The following GPR176 variants were observed in gnomAD, a reference collection of about 807,000 sequenced individuals.
The protein encoded by GPR176 is G protein-coupled receptor 176, also known as G-protein coupled receptor 176.
GPR176 carries 26 observed loss-of-function variants against 35.4 expected under a neutral mutation model. The ratio of observed to expected loss-of-function variants is 0.74; its 90% confidence interval spans 0.54 to 1.02. The LOEUF is 1.02. Ranked by LOEUF, GPR176 falls within the 50% of genes least tolerant of loss-of-function variation. The pLI is 0.00. For missense variants in GPR176, 597 were observed against 665.3 expected (o/e 0.90, Z 1.13); for synonymous variants, 278 against 271.3 (o/e 1.02, Z -0.24).
intron 1 of GPR176, among the ~76,000 whole-genome samples, chr15:39,903,430 A>G (rs1040450691): frequency 6.6e-6 from 1 of 152,182 alleles, no homozygotes; most frequent in Non-Finnish European, 1.5e-5. Flanking sequence ...TAAGTTTTAT[A>G]AGCTCTCTTT....
intron 1 of GPR176, among the ~76,000 whole-genome samples, chr15:39,826,983 A>C (rs1326975777): frequency 6.6e-6 from 1 of 152,228 alleles, no homozygotes; most frequent in Non-Finnish European, 1.5e-5. Flanking sequence ...CCACTGAAGA[A>C]TGACGAGGTT....
At chr15:39,829,965 A>G (rs892377892) in intron 1 of GPR176, among the ~76,000 whole-genome samples, 3 of 151,690 alleles carry the variant, frequency 2.0e-5, no homozygotes, top group African/African-American at 7.2e-5. Flanking sequence ...GTACTGTTAT[A>G]ATTATATAAT....
At chr15:39,891,511 T>C (rs144287293) in intron 1 of GPR176, among the ~76,000 whole-genome samples, 2 of 152,218 alleles carry the variant, frequency 1.3e-5, no homozygotes, top group Admixed American at 1.3e-4. Flanking sequence ...ACACCATACC[T>C]GACTTTTTTC....
At chr15:39,857,887 C>T (rs1221461586) in intron 1 of GPR176, among the ~76,000 whole-genome samples, 3 of 149,452 alleles carry the variant, frequency 2.0e-5, no homozygotes, top group Admixed American at 6.7e-5. Context: ...AGGAGAATGG[C>T]GTGAACCTGG....
chr15:39,905,706 C>CAAAA (rs2033401160), intron 1 of GPR176, among the ~76,000 whole-genome samples: 1 of 151,980 alleles, frequency 6.6e-6, no homozygotes, highest in South Asian at 2.1e-4. Flanking sequence ...CAACCAATCC[C>CAAAA]AAAAGGTTAC....
intron 1 of GPR176, among the ~76,000 whole-genome samples, chr15:39,861,559 A>C (rs1566954676): frequency 6.6e-6 from 1 of 151,998 alleles, no homozygotes; most frequent in Non-Finnish European, 1.5e-5. Context: ...AAAAAAAAAA[A>C]ATCCTATATT....
chr15:39,855,879 A>T (rs1182453101), intron 1 of GPR176, among the ~76,000 whole-genome samples: 1 of 152,236 alleles, frequency 6.6e-6, no homozygotes. Flanking sequence ...ACACTTACTA[A>T]ACTTACTAAG....
At chr15:39,805,719 A>C (rs1364399572) in intron 2 of GPR176, among the ~76,000 whole-genome samples, 4 of 152,226 alleles carry the variant, frequency 2.6e-5, no homozygotes, top group Non-Finnish European at 4.4e-5. Flanking sequence ...ATGATTGCAG[A>C]AATATATCTA....
chr15:39,907,187 G>A (rs1026019110), intron 1 of GPR176, among the ~76,000 whole-genome samples: 2 of 152,228 alleles, frequency 1.3e-5, no homozygotes, highest in East Asian at 3.8e-4. Context: ...TATTAAGCTT[G>A]ATGAGTTAAA....
chr15:39,856,728 T>A (rs981780532), intron 1 of GPR176, among the ~76,000 whole-genome samples: 2 of 152,238 alleles, frequency 1.3e-5, no homozygotes, highest in Admixed American at 1.3e-4. Flanking sequence ...ATTCTATTGA[T>A]TAGAAGTGGG....
intron 1 of GPR176, among the ~76,000 whole-genome samples, chr15:39,856,056 T>C (rs1364153599): frequency 6.6e-6 from 1 of 152,164 alleles, no homozygotes; most frequent in East Asian, 1.9e-4. Flanking sequence ...GGAGACAAGA[T>C]TCAAACCCAG....
At chr15:39,847,763 AAG>A (rs1491055134) in intron 1 of GPR176, among the ~76,000 whole-genome samples, 4 of 147,618 alleles carry the variant, frequency 2.7e-5, no homozygotes, top group Non-Finnish European at 6.1e-5. Context: ...AAAAAAAAAA[AAG>A]AAGTCATGGT....
chr15:39,817,241 G>A (rs1345386052), intron 1 of GPR176, among the ~76,000 whole-genome samples: 1 of 152,116 alleles, frequency 6.6e-6, no homozygotes, highest in African/African-American at 2.4e-5. Flanking sequence ...AGCAGTGAAA[G>A]CATTCCTGAA....
chr15:39,801,514 T>C lies in GPR176; in HGVS notation c.1166A>G (p.Glu389Gly). ...TGAGCCAATGTACTTGGCCTCACTC[T>C]CTTCCTCATCCTCTGTGGGCTTAAA... ...QIFKPTEDEE[E>G]SEAKYIGSAD... Residue 389 changes from glutamate to glycine, a missense_variant, in exon 3 of 3, where the codon GAG becomes GGG. Coordinates refer to ENST00000561100, the MANE Select transcript of GPR176 (RefSeq NM_007223.3). The C allele has an allele frequency of 6.2e-7, 1 of 1,614,200 alleles. No individual in the cohort carries two copies. The highest frequency in any genetic ancestry group is 8.5e-7 in the Non-Finnish European group (1 of 1,180,022).
intron 1 of GPR176, among the ~76,000 whole-genome samples, chr15:39,914,027 CAGAGTG>C (rs1213520130): frequency 1.3e-5 from 2 of 152,142 alleles, no homozygotes; most frequent in Non-Finnish European, 2.9e-5. Context: ...GCCTGGACAA[CAGAGTG>C]AGACTCAGTC....
At chr15:39,807,541 G>A (rs1013083616) in intron 1 of GPR176, 1 of 1,521,522 alleles carries the variant, frequency 6.6e-7, no homozygotes, top group Non-Finnish European at 8.8e-7. Context: ...AGTCTCATCA[G>A]TGTATAAACA....
chr15:39,845,359 C>T (rs548742403), intron 1 of GPR176, among the ~76,000 whole-genome samples: 19 of 151,874 alleles, frequency 1.3e-4, no homozygotes, highest in African/African-American at 4.6e-4. Flanking sequence ...CTCACTTTAT[C>T]TACTAGATAA....
intron 1 of GPR176, among the ~76,000 whole-genome samples, chr15:39,888,213 A>T (rs1281235965): frequency 6.6e-6 from 1 of 152,080 alleles, no homozygotes; most frequent in African/African-American, 2.4e-5. Flanking sequence ...CATATAACAC[A>T]TATGTGTTAA....
At chr15:39,859,634 A>G (rs1476094748) in intron 1 of GPR176, among the ~76,000 whole-genome samples, 2 of 152,226 alleles carry the variant, frequency 1.3e-5, no homozygotes, top group Non-Finnish European at 2.9e-5. Context: ...TTAAAAGTAG[A>G]GCTACCATAT....
Sources: gnomAD v4.1 joint callset for allele counts (sites outside exome capture counted in the v4.1 genomes callset) on GRCh38, gnomAD v4.1.1 for gene constraint, MANE v1.5 for transcripts, NCBI Gene and HGNC (gene_info 2026-07-23, HGNC 2026-07-21) for gene names.